Variants in PCED1B observed in about 807,000 individuals in gnomAD.
PCED1B encodes the protein PC-esterase domain-containing protein 1B.
For missense variants in PCED1B, 573 were observed against 573.9 expected (o/e 1.00, Z 0.02); for synonymous variants, 251 against 246.1 (o/e 1.02, Z -0.19).
intron 2 of PCED1B, among the ~76,000 whole-genome samples, chr12:47,139,739 A>AT (rs1351785782): frequency 6.6e-6 from 1 of 152,014 alleles, no homozygotes; most frequent in African/African-American, 2.4e-5. Flanking sequence ...GCTGTATGGT[A>AT]TTTTGTGTAC....
chr12:47,120,078 T>C (rs1023553200), intron 2 of PCED1B, among the ~76,000 whole-genome samples: 1 of 152,048 alleles, frequency 6.6e-6, no homozygotes, highest in African/African-American at 2.4e-5. Flanking sequence ...AATAAGTACA[T>C]GAAAAGATGC....
At chr12:47,148,242 C>G (rs1350264756) in intron 2 of PCED1B, among the ~76,000 whole-genome samples, 1 of 152,122 alleles carries the variant, frequency 6.6e-6, no homozygotes, top group African/African-American at 2.4e-5. Flanking sequence ...GGCCTAATAA[C>G]CTTTTAATGG....
intron 3 of PCED1B, among the ~76,000 whole-genome samples, chr12:47,217,470 G>GAAAAAGA (rs1555155044): frequency 2.2e-5 from 2 of 90,920 alleles, no homozygotes; most frequent in Middle Eastern, 4.7e-3. Flanking sequence ...AAGAAAGAAA[G>GAAAAAGA]AGAAAGAAAG....
chr12:47,203,588 G>A (rs1942831433), intron 2 of PCED1B, among the ~76,000 whole-genome samples: 1 of 152,168 alleles, frequency 6.6e-6, no homozygotes, highest in South Asian at 2.1e-4. Context: ...TCCTGCATTA[G>A]TTTGCTAAGA....
rs550785573 is a variant in PCED1B, at chr12:47,092,063, C to A, written c.-608-12050C>A. ...GAATTTTAGGAAAACTTGTCAATTTCTGGAAAAAGAAGAACCTGTAGCTTA... is the reference window on the plus strand; with the variant it reads ...GAATTTTAGGAAAACTTGTCAATTTATGGAAAAAGAAGAACCTGTAGCTTA... On this transcript the variant is annotated intron_variant, in intron 1 of 3. Coordinates refer to ENST00000546455, the MANE Select transcript of PCED1B (RefSeq NM_138371.3). Among the ~76,000 whole-genome samples, 79 of 152,144 alleles carry A rather than the reference C, an allele frequency of 5.2e-4. No homozygotes were observed. In the South Asian group the frequency reaches 0.015, roughly 29 times the overall value.
chr12:47,149,783 T>C (rs1258440433), intron 2 of PCED1B, among the ~76,000 whole-genome samples: 1 of 152,224 alleles, frequency 6.6e-6, no homozygotes, highest in African/African-American at 2.4e-5. Flanking sequence ...AGGAGTATAT[T>C]GAAGGCAAAC....
intron 3 of PCED1B, among the ~76,000 whole-genome samples, chr12:47,220,146 G>A (rs1448214647): frequency 6.6e-6 from 1 of 151,500 alleles, no homozygotes; most frequent in African/African-American, 2.4e-5. Flanking sequence ...TTACTAGCTG[G>A]GCAACCTTAG....
At chr12:47,102,023 C>T (rs1938730224) in intron 1 of PCED1B, among the ~76,000 whole-genome samples, 1 of 152,062 alleles carries the variant, frequency 6.6e-6, no homozygotes, top group Non-Finnish European at 1.5e-5. Flanking sequence ...ATCATTTGTC[C>T]TAAACAATAG....
chr12:47,187,400 TC>T (rs1471948584), intron 2 of PCED1B, among the ~76,000 whole-genome samples: 3 of 151,324 alleles, frequency 2.0e-5, no homozygotes, highest in Non-Finnish European at 4.4e-5. Context: ...CTGATGAAAA[TC>T]CCCCATCTCT....
intron 2 of PCED1B, among the ~76,000 whole-genome samples, chr12:47,121,045 G>A (rs1939657412): frequency 6.6e-6 from 1 of 152,104 alleles, no homozygotes. Context: ...TGCTTTCAGA[G>A]GTGATGAAAA....
At chr12:47,171,360 C>T (rs973890705) in intron 2 of PCED1B, among the ~76,000 whole-genome samples, 2 of 152,164 alleles carry the variant, frequency 1.3e-5, no homozygotes, top group Admixed American at 1.3e-4. Flanking sequence ...AGCCACCGTG[C>T]CTGGCCCTAT....
At chr12:47,218,384 G>A (rs1177367715) in intron 3 of PCED1B, among the ~76,000 whole-genome samples, 1 of 152,182 alleles carries the variant, frequency 6.6e-6, no homozygotes. Flanking sequence ...CCTTTCTTCC[G>A]CTCCAAGCCG....
intron 2 of PCED1B, among the ~76,000 whole-genome samples, chr12:47,176,826 A>G (rs1422967113): frequency 1.3e-5 from 2 of 151,910 alleles, no homozygotes; most frequent in African/African-American, 4.8e-5. Context: ...TCCAATGTCA[A>G]CTGGTGTCGG....
At chr12:47,201,054 C>T (rs1008372687) in intron 2 of PCED1B, among the ~76,000 whole-genome samples, 3 of 152,142 alleles carry the variant, frequency 2.0e-5, no homozygotes, top group East Asian at 1.9e-4. Flanking sequence ...CTTTATTTAG[C>T]CGGCGGCCAA....
chr12:47,120,980 T>A (rs1246541515), intron 2 of PCED1B, among the ~76,000 whole-genome samples: 4 of 152,004 alleles, frequency 2.6e-5, no homozygotes. Context: ...CGTGGCTGCC[T>A]AGGGGTGGAA....
At chr12:47,220,726 C>T (rs563230600) in intron 3 of PCED1B, among the ~76,000 whole-genome samples, 84 of 152,224 alleles carry the variant, frequency 5.5e-4, no homozygotes, top group African/African-American at 1.9e-3. Context: ...AATTATAGAA[C>T]AAAACAGAAC....
chr12:47,125,746 A>G (rs1379006727), intron 2 of PCED1B, among the ~76,000 whole-genome samples: 1 of 151,988 alleles, frequency 6.6e-6, no homozygotes, highest in Non-Finnish European at 1.5e-5. Context: ...GTTCCTAAGT[A>G]TTTTGTATTT....
intron 1 of PCED1B, among the ~76,000 whole-genome samples, chr12:47,101,799 A>C (rs1938718402): frequency 6.6e-6 from 1 of 152,086 alleles, no homozygotes; most frequent in Non-Finnish European, 1.5e-5. Context: ...ATACAAAATT[A>C]GCTGGGCGTG....
chr12:47,230,444 C>T (rs1354081422), intron 3 of PCED1B, among the ~76,000 whole-genome samples: 3 of 151,350 alleles, frequency 2.0e-5, no homozygotes, highest in African/African-American at 7.3e-5. Context: ...AAATATGACA[C>T]ACTTTTCCCT....
Sources: allele counts gnomAD v4.1 joint callset (sites outside exome capture counted in the v4.1 genomes callset), GRCh38; gene constraint gnomAD v4.1.1; transcripts MANE v1.5; gene names NCBI Gene and HGNC (gene_info 2026-07-23, HGNC 2026-07-21).